Variants in DNAH11 observed in about 807,000 individuals in gnomAD.
DNAH11 encodes the protein dynein axonemal heavy chain 11.
A neutral mutation model predicts 526.0 loss-of-function variants in DNAH11; 442 were observed. That is an observed-to-expected ratio of 0.84 (90% CI 0.78 to 0.91). The LOEUF (loss-of-function observed/expected upper bound fraction) is 0.91. Among genes scored for constraint, DNAH11 ranks in the 40% least tolerant of loss-of-function variants. The probability of loss-of-function intolerance (pLI) is 0.00; values close to 1 mark genes in which losing one functional copy is unlikely to be tolerated. For synonymous variants in DNAH11, 2,461 were observed against 1,935.9 expected, an observed-to-expected ratio of 1.27 and a Z score of -7.12; for missense variants, 6,989 against 5,448.7, an observed-to-expected ratio of 1.28 and a Z score of -8.90.
chr7:21,723,970 A>G (rs1784979339), intron 44 of DNAH11, among the ~76,000 whole-genome samples: 1 of 152,258 alleles, frequency 6.6e-6, no homozygotes, highest in Non-Finnish European at 1.5e-5. Flanking sequence ...CAGCTGGACG[A>G]CACATCTTCA....
At position 21,738,884 on chromosome 7, in the gene DNAH11, G is replaced by C. The variant is rs1184242486; in HGVS notation, c.7811+18G>C. 6.5e-7 allele frequency: 1 copy of C among 1,548,864 alleles called. No individual in the cohort carries two copies. Among genetic ancestry groups the C allele is most frequent in the Non-Finnish European group, 8.7e-7 (1 of 1,152,236 alleles). On this transcript the variant is annotated intron_variant, in intron 47 of 81. Transcript: ENST00000409508. ...GGACATTGGTAAGCAAGTCTCTGTA[G>C]TTTACTCTCTCCCAAAATCTAATAA... is the stretch of plus-strand genomic sequence containing the variant.
Position 21,866,504 on chromosome 7 carries a change from A to G in DNAH11, c.11531A>G (p.Asp3844Gly). 6.2e-7 allele frequency: 1 copy of G among 1,613,462 alleles called. No individual in the cohort carries two copies. The highest frequency in any genetic ancestry group is 8.5e-7 in the Non-Finnish European group (1 of 1,179,746). Reference sequence around the variant, plus strand: ...GTCATGGAAGAATTTCGAGGCATAGACCGAGATGTGGAAGGATCTGCCAAG... The same window carrying G: ...GTCATGGAAGAATTTCGAGGCATAGGCCGAGATGTGGAAGGATCTGCCAAG... The part of the protein sequence containing the change: ...IAVMEEFRGI[D>G]RDVEGSAKQW... Residue 3844 changes from aspartate to glycine, a missense_variant, in exon 71 of 82, where the codon GAC (aspartate) becomes GGC (glycine). Asp to Gly is a moderately conservative substitution (Grantham distance 94). Transcript: ENST00000409508.
intron 30 of DNAH11, among the ~76,000 whole-genome samples, chr7:21,660,390 T>C (rs1782194057): frequency 1.3e-5 from 2 of 152,052 alleles, no homozygotes; most frequent in South Asian, 4.1e-4. Flanking sequence ...TATTCCTACT[T>C]ATTTTACTCT....
At chr7:21,816,282 A>G (rs1789787874) in intron 63 of DNAH11, among the ~76,000 whole-genome samples, 185 bp from the exon 64 acceptor site, 1 of 152,212 alleles carries the variant, frequency 6.6e-6, no homozygotes, top group Non-Finnish European at 1.5e-5. Context: ...TCTGAGATGT[A>G]AATACTGGAT....
At chr7:21,579,339 T>C (rs1562675859) in intron 8 of DNAH11, among the ~76,000 whole-genome samples, 1 of 152,182 alleles carries the variant, frequency 6.6e-6, no homozygotes. Flanking sequence ...ATTGGTACTG[T>C]AATTGTGAAA....
rs1357260863 is a variant in DNAH11, at chr7:21,720,829, T to A, written c.7239T>A (p.Ala2413=). 20 of 1,612,870 alleles carry A rather than the reference T, an allele frequency of 1.2e-5. No homozygotes were observed. In the Admixed American group the frequency reaches 3.3e-4, roughly 27 times the overall value. ...EVYFVFACIW[A]FGGTLLQDQI... ...ATTTTGTATTTGCTTGTATCTGGGCTTTTGGAGGCACCCTGCTACAAGATC... is the reference window on the plus strand; with the variant it reads ...ATTTTGTATTTGCTTGTATCTGGGCATTTGGAGGCACCCTGCTACAAGATC... Residue 2413 remains alanine, a synonymous_variant, in exon 44 of 82, where the codon GCT becomes GCA. Coordinates refer to ENST00000409508, the MANE Select transcript of DNAH11 (RefSeq NM_001277115.2).
intron 73 of DNAH11, 97 bp from the exon 74 acceptor site, chr7:21,873,177 T>A: frequency 3.6e-6 from 4 of 1,111,500 alleles, no homozygotes; most frequent in Non-Finnish European, 5.2e-6. Flanking sequence ...CATGGTTCTC[T>A]GAGTTTTCAG....
Position 21,738,499 on chromosome 7 carries a change from C to A in DNAH11, c.7646-202C>A, listed in dbSNP as rs528709632. ...AAAGGTGAGGTGGAATGACTTCTGGCAACAGGAGGGAGATTGGCAGGAGAG... is the reference window on the plus strand; with the variant it reads ...AAAGGTGAGGTGGAATGACTTCTGGAAACAGGAGGGAGATTGGCAGGAGAG... On this transcript the variant is annotated intron_variant, in intron 46 of 81. Coordinates refer to ENST00000409508, the MANE Select transcript of DNAH11 (RefSeq NM_001277115.2). 2.2e-4 allele frequency among the ~76,000 whole-genome samples: 33 copies of A among 152,166 alleles called. No individual in the cohort carries two copies. In the South Asian group the frequency reaches 6.2e-3, roughly 29 times the overall value.
chr7:21,710,597 G>C lies in DNAH11; in HGVS notation c.6728G>C (p.Arg2243Pro), dbSNP rs762176618. ...ATAGGTCTCTTCTCATCCATTCTAC[G>C]AGAACAAGCAAATCTTAAGCATGAT... The part of the protein sequence containing the change: ...YFIGLFSSIL[R>P]EQANLKHDGP... Residue 2243 changes from arginine (R) to proline (P), a missense_variant, in exon 41 of 82, where the codon CGA becomes CCA. Arg to Pro is a moderately radical substitution (Grantham distance 103). Coordinates refer to ENST00000409508, the MANE Select transcript of DNAH11 (RefSeq NM_001277115.2). 1 of 1,612,734 alleles carries C rather than the reference G, an allele frequency of 6.2e-7. No individual in the cohort carries two copies. The highest frequency in any genetic ancestry group is 8.5e-7 in the Non-Finnish European group (1 of 1,179,216).
rs184949952 is a variant in DNAH11 at position 21,613,016 on chromosome 7, G to A, written c.3853-2098G>A. Among the ~76,000 whole-genome samples, 180 of 152,126 alleles carry A rather than the reference G, an allele frequency of 1.2e-3. 2 individuals carry two copies. The highest frequency in any genetic ancestry group is 4.2e-3 in the African/African-American group (173 of 41,528). On this transcript the variant is annotated intron_variant, in intron 20 of 81. Coordinates refer to ENST00000409508, the MANE Select transcript of DNAH11 (RefSeq NM_001277115.2). ...CCTAATAAAAGAATGAAAACTCTAC[G>A]TAAAATACTATACGATAGGGAACGT... is the stretch of plus-strand genomic sequence containing the variant.
intron 17 of DNAH11, 67 bp from the exon 18 acceptor site, chr7:21,601,329 G>T: frequency 6.7e-7 from 1 of 1,493,266 alleles, no homozygotes; most frequent in Non-Finnish European, 9.1e-7. Flanking sequence ...TCAATCAGAA[G>T]TCTTATACTG....
intron 66 of DNAH11, among the ~76,000 whole-genome samples, chr7:21,844,531 C>G (rs1782340808): frequency 6.6e-6 from 1 of 152,146 alleles, no homozygotes; most frequent in African/African-American, 2.4e-5. Context: ...CAACAGATAC[C>G]TTATGGCCTA....
chr7:21,804,078 G>GT (rs760852121), intron 62 of DNAH11, among the ~76,000 whole-genome samples: 1 of 116,528 alleles, frequency 8.6e-6, no homozygotes, highest in African/African-American at 3.2e-5. Flanking sequence ...TCTTGTAGTA[G>GT]TTTTTTTTGT....
intron 12 of DNAH11, 140 bp from the exon 13 acceptor site, chr7:21,590,778 A>G (rs1050645631): frequency 5.8e-5 from 30 of 514,860 alleles, no homozygotes; most frequent in Non-Finnish European, 9.0e-5. Flanking sequence ...TAAAAAGTAT[A>G]TGAAACAAAA....
At chr7:21,624,982 T>C (rs945481169) in intron 25 of DNAH11, among the ~76,000 whole-genome samples, 2 of 152,130 alleles carry the variant, frequency 1.3e-5, no homozygotes, top group Admixed American at 6.5e-5. Flanking sequence ...ATCAGGGATA[T>C]TGGCTTCTAA....
chr7:21,740,825 T>A (rs1785849404), intron 48 of DNAH11, among the ~76,000 whole-genome samples: 1 of 152,230 alleles, frequency 6.6e-6, no homozygotes, highest in Non-Finnish European at 1.5e-5. Flanking sequence ...AACTATACCT[T>A]ATTTTATTCC....
chr7:21,776,182 T>C (rs1349719514), intron 56 of DNAH11, among the ~76,000 whole-genome samples: 1 of 152,094 alleles, frequency 6.6e-6, no homozygotes, highest in Non-Finnish European at 1.5e-5. Context: ...TCTCTTTACT[T>C]CCCCTTAGCT....
intron 5 of DNAH11, chr7:21,561,388 G>C (rs1783453837): frequency 2.5e-6 from 1 of 394,216 alleles, no homozygotes; most frequent in Non-Finnish European, 4.5e-6. Context: ...TGCCAAAATG[G>C]CTCCAGATTG....
At chr7:21,800,211 G>T (rs368811234) in intron 61 of DNAH11, among the ~76,000 whole-genome samples, 87 of 152,234 alleles carry the variant, frequency 5.7e-4, no homozygotes, top group African/African-American at 1.5e-3. Context: ...GTTTTCTCTG[G>T]TTTTTTCTGT....
Sources: gnomAD v4.1 joint callset for allele counts (sites outside exome capture counted in the v4.1 genomes callset) on GRCh38, gnomAD v4.1.1 for gene constraint, MANE v1.5 for transcripts, NCBI Gene and HGNC (gene_info 2026-07-23, HGNC 2026-07-21) for gene names.